The following RBPJ variants were observed in gnomAD, a reference collection of about 807,000 sequenced individuals.
The protein encoded by RBPJ is recombining binding protein suppressor of hairless.
RBPJ carries 9 observed loss-of-function variants against 67.8 expected under a neutral mutation model. The observed-to-expected ratio is 0.13, with a 90% CI of 0.08 to 0.23. The LOEUF (loss-of-function observed/expected upper bound fraction) is 0.23, where lower values mean the gene tolerates loss of function less well. Ranked by LOEUF, RBPJ falls within the 10% of genes least tolerant of loss-of-function variation. The pLI is 1.00. For missense variants in RBPJ, 305 were observed against 595.6 expected, an observed-to-expected ratio of 0.51 and a Z score of 5.08; for synonymous variants, 198 against 203.3, an observed-to-expected ratio of 0.97 and a Z score of 0.22.
At chr4:26,120,327 T>A in the RBPJ span, among the ~76,000 whole-genome samples, 50 of 152,334 alleles carry the variant, frequency 3.3e-4, 1 homozygote, top group South Asian at 1.0e-2. Context: ...TTTCTGTGCT[T>A]TTTAAATAGC....
At chr4:26,382,988 C>G (rs1730477285) in intron 1 of RBPJ, among the ~76,000 whole-genome samples, 1 of 152,126 alleles carries the variant, frequency 6.6e-6, no homozygotes, top group African/African-American at 2.4e-5. Context: ...TTAGAAAGAT[C>G]AGGATTGCAT....
intron 1 of RBPJ, among the ~76,000 whole-genome samples, chr4:26,331,451 C>A (rs1168484729): frequency 1.3e-5 from 2 of 151,950 alleles, no homozygotes; most frequent in Non-Finnish European, 2.9e-5. Flanking sequence ...ATGTTACATG[C>A]ATTTTTAAAA....
intron 1 of RBPJ, among the ~76,000 whole-genome samples, chr4:26,187,494 A>G (rs1717315103): frequency 6.6e-6 from 1 of 152,218 alleles, no homozygotes; most frequent in South Asian, 2.1e-4. Flanking sequence ...AGTTATTGGT[A>G]GTACACAATT....
At chr4:26,330,466 C>A (rs1724116231) in intron 1 of RBPJ, among the ~76,000 whole-genome samples, 1 of 152,158 alleles carries the variant, frequency 6.6e-6, no homozygotes, top group Non-Finnish European at 1.5e-5. Context: ...AACTGACCCC[C>A]GGATTATATT....
At chr4:26,157,100 A>AAAC in the RBPJ span, among the ~76,000 whole-genome samples, 3 of 133,902 alleles carry the variant, frequency 2.2e-5, no homozygotes, top group African/African-American at 8.2e-5. Flanking sequence ...CAAACAAACA[A>AAAC]AAACAAACAA....
chr4:26,270,285 A>G lies in RBPJ; in HGVS notation c.-166-92161A>G, dbSNP rs1720834398. ...GCAACAGAGCAAGATTTTGTCGGAA[A>G]GGAAAGGGAAGGGAAGGGGAGGGGA... is the stretch of plus-strand genomic sequence containing the variant. On this transcript the variant is annotated intron_variant, in intron 1 of 4. Transcript: ENST00000512351. 2.5e-5 allele frequency among the ~76,000 whole-genome samples: 3 copies of G among 121,050 alleles called. No homozygotes were observed. The Admixed American group carries it at 2.6e-4, about 10-fold the overall frequency. The allele number at this position is 121,050 out of a possible 152,430, so 79.4% of individuals were successfully genotyped here.
intron 1 of RBPJ, among the ~76,000 whole-genome samples, chr4:26,284,318 C>T (rs1721382968): frequency 6.6e-6 from 1 of 152,176 alleles, no homozygotes; most frequent in South Asian, 2.1e-4. Flanking sequence ...CTTACTAACT[C>T]TCCCATAATT....
At chr4:26,253,307 CTTTTTTTTTTT>C (rs1182769419) in intron 1 of RBPJ, among the ~76,000 whole-genome samples, 1 of 114,400 alleles carries the variant, frequency 8.7e-6, no homozygotes, top group South Asian at 3.0e-4. Context: ...TCTGCTATTT[CTTTTTTTTTTT>C]TTTTTTTTTT....
At chr4:26,318,158 A>G (rs1220988735), upstream of RBPJ, among the ~76,000 whole-genome samples, 5 of 152,024 alleles carry the variant, frequency 3.3e-5, no homozygotes. Context: ...CACCCCTAAA[A>G]CCTTGAAAAC....
the RBPJ span, among the ~76,000 whole-genome samples, chr4:26,126,649 A>G: frequency 6.6e-6 from 1 of 152,114 alleles, no homozygotes; most frequent in Non-Finnish European, 1.5e-5. Context: ...GATTTTGAGA[A>G]CCTCTAATAT....
intron 1 of RBPJ, among the ~76,000 whole-genome samples, chr4:26,277,496 G>T (rs2109271356): frequency 6.6e-6 from 1 of 152,342 alleles, no homozygotes; most frequent in Non-Finnish European, 1.5e-5. Flanking sequence ...ACAGGGCTGG[G>T]TTCTTCAATG....
chr4:26,366,569 C>T (rs1728647973), intron 1 of RBPJ, among the ~76,000 whole-genome samples: 1 of 151,896 alleles, frequency 6.6e-6, no homozygotes, highest in Admixed American at 6.6e-5. Flanking sequence ...GGACTACAGG[C>T]GCGTGCCATC....
At chr4:26,385,874 C>T (rs1474806835) in intron 1 of RBPJ, among the ~76,000 whole-genome samples, 1 of 151,708 alleles carries the variant, frequency 6.6e-6, no homozygotes, top group East Asian at 1.9e-4. Flanking sequence ...ACGATCATGA[C>T]TCACTGCACC....
At chr4:26,124,603 A>C in the RBPJ span, among the ~76,000 whole-genome samples, 1 of 151,736 alleles carries the variant, frequency 6.6e-6, no homozygotes, top group East Asian at 1.9e-4. Flanking sequence ...GTAGATACCC[A>C]GTAGTGAAAT....
At chr4:26,142,393 A>T in the RBPJ span, among the ~76,000 whole-genome samples, 1 of 152,206 alleles carries the variant, frequency 6.6e-6, no homozygotes, top group Non-Finnish European at 1.5e-5. Context: ...AGTGGAGGCC[A>T]GTGGGATGCA....
At chr4:26,130,830 A>G in the RBPJ span, among the ~76,000 whole-genome samples, 1 of 152,216 alleles carries the variant, frequency 6.6e-6, no homozygotes, top group Non-Finnish European at 1.5e-5. Context: ...CTCTCACATG[A>G]TTTTTAAAAA....
At chr4:26,195,190 G>A (rs1560205873) in intron 1 of RBPJ, among the ~76,000 whole-genome samples, 2 of 152,148 alleles carry the variant, frequency 1.3e-5, no homozygotes, top group African/African-American at 2.4e-5. Flanking sequence ...CCAACATAGC[G>A]AGACCTTGTC....
At chr4:26,341,290 G>A (rs1363211568) in intron 1 of RBPJ, among the ~76,000 whole-genome samples, 1 of 152,110 alleles carries the variant, frequency 6.6e-6, no homozygotes, top group Admixed American at 6.5e-5. Flanking sequence ...CAAGAAGGGA[G>A]TGATCCAGTC....
intron 1 of RBPJ, among the ~76,000 whole-genome samples, chr4:26,195,751 C>A (rs184628134): frequency 5.8e-4 from 88 of 152,234 alleles, no homozygotes; most frequent in Non-Finnish European, 1.1e-3. Context: ...CCCACCACTA[C>A]ACCCAGCTAA....
Sources: allele counts gnomAD v4.1 joint callset (sites outside exome capture counted in the v4.1 genomes callset), GRCh38; gene constraint gnomAD v4.1.1; transcripts MANE v1.5; gene names NCBI Gene and HGNC (gene_info 2026-07-23, HGNC 2026-07-21).